Variants in TNFRSF14 observed in about 807,000 individuals in gnomAD.
TNFRSF14 encodes the protein TNF receptor superfamily member 14.
TNFRSF14 carries 18 observed loss-of-function variants against 34.1 expected under a neutral mutation model. That is an observed-to-expected ratio of 0.53 (90% CI 0.36 to 0.78). The LOEUF (loss-of-function observed/expected upper bound fraction) is 0.78. Ranked by LOEUF, TNFRSF14 falls within the 30% of genes least tolerant of loss-of-function variation. The probability of loss-of-function intolerance (pLI) is 0.00; values close to 1 mark genes in which losing one functional copy is unlikely to be tolerated. For synonymous variants in TNFRSF14, 157 were observed against 153.2 expected, an observed-to-expected ratio of 1.02 and a Z score of -0.18; for missense variants, 352 against 379.5, an observed-to-expected ratio of 0.93 and a Z score of 0.60.
Position 2,560,680 on chromosome 1 carries a change from A to G in TNFRSF14, c.517A>G (p.Asn173Asp). 6.2e-7 allele frequency: 1 copy of G among 1,613,344 alleles called. No individual in the cohort carries two copies. The change falls in exon 5 of 8, where the codon AAT becomes GAT. Residue 173 changes from asparagine (N) to aspartate (D), a missense_variant. By Grantham distance (23) the Asn-to-Asp change is conservative. Transcript: ENST00000355716. ...QNCPPGTFSPNGTLEECQHQT... is the reference protein window; with the variant it reads ...QNCPPGTFSPDGTLEECQHQT... ...CTGCCCCCCGGGGACCTTCTCTCCC[A>G]ATGGGACCCTGGAGGAATGTCAGCA...
At chr1:2,559,174 C>T in intron 3 of TNFRSF14, 1 of 1,367,442 alleles carries the variant, frequency 7.3e-7, no homozygotes, top group Middle Eastern at 1.9e-4. Flanking sequence ...TAGCCATGAA[C>T]AGAAGAGGAA....
Position 2,556,436 on chromosome 1 carries a change from C to G in TNFRSF14, c.-229C>G. 1.4e-6 allele frequency: 1 copy of G among 697,468 alleles called. No individual in the cohort carries two copies. The highest frequency in any genetic ancestry group is 2.6e-6 in the Non-Finnish European group (1 of 382,460). 43.2% of individuals were successfully genotyped at this position (697,468 alleles called of 1,614,324 possible). On this transcript the variant is annotated 5_prime_UTR_variant, in exon 1 of 8. Coordinates refer to ENST00000355716, the MANE Select transcript of TNFRSF14 (RefSeq NM_003820.4). ...CCTCCCGCAGGGCCCACCTGTGTCC[C>G]CCAGCGCCGCTCCACCCAGCAGGCC...
chr1:2,558,324 C>T lies in TNFRSF14; in HGVS notation c.179-19C>T, dbSNP rs867268741. 1 of 1,591,868 alleles carries T rather than the reference C, an allele frequency of 6.3e-7. No individual in the cohort carries two copies. Among genetic ancestry groups the T allele is most frequent in the East Asian group, 2.3e-5 (1 of 44,366 alleles). On this transcript the variant is annotated intron_variant, in intron 2 of 7. Coordinates refer to ENST00000355716, the MANE Select transcript of TNFRSF14 (RefSeq NM_003820.4). ...GGGCCTCCCGCAGACTTGCGAAGTTCCCACTCTCTGGGCGGCAGGTTATCG... is the reference window on the plus strand; with the variant it reads ...GGGCCTCCCGCAGACTTGCGAAGTTTCCACTCTCTGGGCGGCAGGTTATCG...
intron 1 of TNFRSF14, among the ~76,000 whole-genome samples, chr1:2,557,404 G>C (rs188416092): frequency 7.9e-5 from 12 of 152,344 alleles, no homozygotes; most frequent in Admixed American, 7.2e-4. Context: ...AGGGGGGCCG[G>C]CAGGTTGTCT....
At position 2,561,133 on chromosome 1, in the gene TNFRSF14, C is replaced by G; in HGVS notation, c.551+419C>G. The G allele has an allele frequency of 3.0e-6, 1 of 331,850 alleles. No individual in the cohort carries two copies. 20.6% of individuals were successfully genotyped at this position (331,850 alleles called of 1,614,324 possible). ...ACACCTTCAAATGCTGACCCTGGGCCCCTAACTGACCTGAGACTTCAGAGC... is the reference window on the plus strand; with the variant it reads ...ACACCTTCAAATGCTGACCCTGGGCGCCTAACTGACCTGAGACTTCAGAGC... On this transcript the variant is annotated intron_variant, in intron 5 of 7. Coordinates refer to ENST00000355716, the MANE Select transcript of TNFRSF14 (RefSeq NM_003820.4). The surrounding 1 kb of genome is among the most constrained non-coding windows in gnomAD (Gnocchi z 6.0).
chr1:2,563,467 G>T lies in TNFRSF14; in HGVS notation c.*194G>T. 1 of 802,992 alleles carries T rather than the reference G, an allele frequency of 1.2e-6. No individual in the cohort carries two copies. The highest frequency in any genetic ancestry group is 1.9e-5 in the South Asian group (1 of 53,518). The allele number at this position is 802,992 out of a possible 1,614,324, so 49.7% of individuals were successfully genotyped here. A position where few individuals can be genotyped will look rare whatever the true frequency, so the allele number is the denominator to read the frequency against. The stretch of plus-strand genomic sequence containing the variant: ...GGGGACGCCACGTGCCATTCCCATG[G>T]GCCAGTGAGGGCCTGGGGCCTCTGT... On this transcript the variant is annotated 3_prime_UTR_variant, in exon 8 of 8. Coordinates refer to ENST00000355716, the MANE Select transcript of TNFRSF14 (RefSeq NM_003820.4).
rs1041839188 is a variant in TNFRSF14 at position 2,563,362 on chromosome 1, G to A, written c.*89G>A. On this transcript the variant is annotated 3_prime_UTR_variant, in exon 8 of 8. Transcript: ENST00000355716. ...CACCTGGCGGAACCACCGGAGCCCG[G>A]AGGCTTGGGGGCTCCGCCCTGGGCT... 4.5e-5 allele frequency: 70 copies of A among 1,565,436 alleles called. No individual in the cohort carries two copies. Among genetic ancestry groups the A allele is most frequent in the Non-Finnish European group, 6.1e-5 (70 of 1,154,212 alleles).
chr1:2,560,589 C>T (rs367830540), intron 4 of TNFRSF14, 35 bp from the exon 5 acceptor site: 5 of 1,563,626 alleles, frequency 3.2e-6, no homozygotes, highest in African/African-American at 1.4e-5. Context: ...TGGCCTGGTG[C>T]CCTCAGCCCC....
rs896710496 is a variant in TNFRSF14 at position 2,561,215 on chromosome 1, C to T, written c.552-458C>T. On this transcript the variant is annotated intron_variant, in intron 5 of 7. Coordinates refer to ENST00000355716, the MANE Select transcript of TNFRSF14 (RefSeq NM_003820.4). This position sits in a 1 kb window ranked among gnomAD's most constrained non-coding sequence, Gnocchi z 6.0. ...GCCTGGGATGGAGCAGGGATGGCTG[C>T]CCCAGGGAGGGGGCGGTGGGGCCTT... The T allele has an allele frequency of 4.7e-6, 2 of 428,486 alleles. No homozygotes were observed. The highest frequency in any genetic ancestry group is 3.5e-5 in the East Asian group (1 of 28,482). The allele number at this position is 428,486 out of a possible 1,614,324, so 26.5% of individuals were successfully genotyped here. A position where few individuals can be genotyped will look rare whatever the true frequency, so the allele number is the denominator to read the frequency against.
chr1:2,556,281 C>A (rs1350370337), upstream of TNFRSF14: 1 of 554,442 alleles, frequency 1.8e-6, no homozygotes, highest in Non-Finnish European at 3.4e-6. Flanking sequence ...CACAGATGGA[C>A]TTTGGGGGGC....
chr1:2,560,101 GGCCA>G, intron 4 of TNFRSF14, 123 bp downstream of exon 4: 2 of 1,385,620 alleles, frequency 1.4e-6, no homozygotes, highest in South Asian at 2.9e-5. Flanking sequence ...ACAGAACCTT[GGCCA>G]GCCCCAGGCC....
In TNFRSF14 at chr1:2,563,285, T is replaced by C; in HGVS notation, c.*12T>C. 1.2e-6 allele frequency: 2 copies of C among 1,611,996 alleles called. No individual in the cohort carries two copies. The highest frequency in any genetic ancestry group is 1.7e-6 in the Non-Finnish European group (2 of 1,178,856). On this transcript the variant is annotated 3_prime_UTR_variant, in exon 8 of 8. Coordinates refer to ENST00000355716, the MANE Select transcript of TNFRSF14 (RefSeq NM_003820.4). ...GCCCAAACCACTGACCCACAGACTC[T>C]GCACCCCGACGCCAGAGATACCTGG...
chr1:2,557,788 G>T lies in TNFRSF14; in HGVS notation c.132G>T (p.Glu44Asp). The change falls in exon 2 of 8, where the codon GAG becomes GAT. Residue 44 changes from glutamate to aspartate, a missense_variant. Glu to Asp is a conservative substitution (Grantham distance 45). Transcript: ENST00000355716. ...CCCCAGCTCTGCCGTCCTGCAAGGA[G>T]GACGAGTACCCAGTGGGCTCCGAGT... ...CYAPALPSCK[E>D]DEYPVGSECC... 6.2e-7 allele frequency: 1 copy of T among 1,611,824 alleles called. No homozygotes were observed. The highest frequency in any genetic ancestry group is 8.5e-7 in the Non-Finnish European group (1 of 1,179,084).
intron 3 of TNFRSF14, 107 bp downstream of exon 3, chr1:2,558,575 C>A: frequency 6.4e-7 from 1 of 1,568,936 alleles, no homozygotes; most frequent in Non-Finnish European, 8.6e-7. Flanking sequence ...GCCCCGGCTG[C>A]CCCAGGCCAG....
intron 3 of TNFRSF14, chr1:2,558,780 C>T (rs141376029): frequency 2.0e-4 from 261 of 1,302,914 alleles, no homozygotes; most frequent in Middle Eastern, 1.1e-3. Context: ...CCTGTGCCCA[C>T]GTCCCTAGCT....
At chr1:2,560,444 G>T in intron 4 of TNFRSF14, 180 bp from the exon 5 acceptor site, 1 of 587,594 alleles carries the variant, frequency 1.7e-6, no homozygotes, top group Non-Finnish European at 3.0e-6. Flanking sequence ...GGGACAGCCA[G>T]AGCCACCACC....
chr1:2,558,330 C>A lies in TNFRSF14; in HGVS notation c.179-13C>A. On this transcript the variant is annotated splice_polypyrimidine_tract_variant and intron_variant, in intron 2 of 7. Transcript: ENST00000355716. ...CCCGCAGACTTGCGAAGTTCCCACTCTCTGGGCGGCAGGTTATCGTGTGAA... is the reference window on the plus strand; with the variant it reads ...CCCGCAGACTTGCGAAGTTCCCACTATCTGGGCGGCAGGTTATCGTGTGAA... 1 of 1,594,362 alleles carries A rather than the reference C, an allele frequency of 6.3e-7. No individual in the cohort carries two copies. Among genetic ancestry groups the A allele is most frequent in the Admixed American group, 1.8e-5 (1 of 55,218 alleles).
At chr1:2,558,588 C>T in intron 3 of TNFRSF14, 120 bp downstream of exon 3, 3 of 1,544,336 alleles carry the variant, frequency 1.9e-6, no homozygotes, top group South Asian at 2.4e-5. Flanking sequence ...CAGGCCAGGT[C>T]CCAACCCCAT....
chr1:2,556,261 G>A (rs1644210008), upstream of TNFRSF14: 2 of 520,480 alleles, frequency 3.8e-6, no homozygotes, highest in Non-Finnish European at 3.7e-6. Flanking sequence ...GTGTGAGTGA[G>A]GTGGGGAAAC....
Sources: gnomAD v4.1 joint callset for allele counts (sites outside exome capture counted in the v4.1 genomes callset) on GRCh38, gnomAD v4.1.1 for gene constraint, Gnocchi (gnomAD v3.1) non-coding constraint, MANE v1.5 for transcripts, NCBI Gene and HGNC (gene_info 2026-07-23, HGNC 2026-07-21) for gene names.